Variants in PRKD1 observed in about 807,000 individuals in gnomAD.
PRKD1 encodes the protein protein kinase D1, also known as serine/threonine-protein kinase D1.
Under a neutral mutation model 95.9 loss-of-function variants are expected in PRKD1, and 63 were observed. The observed-to-expected ratio is 0.66, with a 90% confidence interval of 0.54 to 0.81. The LOEUF (loss-of-function observed/expected upper bound fraction) is 0.81, where lower values mean the gene tolerates loss of function less well. Among genes scored for constraint, PRKD1 ranks in the 30% least tolerant of loss-of-function variants. The probability of loss-of-function intolerance (pLI) is 0.00; values close to 1 mark genes in which losing one functional copy is unlikely to be tolerated. For missense variants in PRKD1, 1,048 were observed against 1,165.3 expected (o/e 0.90, Z 1.47); for synonymous variants, 425 against 423.1 (o/e 1.00, Z -0.05).
At chr14:29,856,305 C>T (rs73261532) in intron 1 of PRKD1, among the ~76,000 whole-genome samples, 225 of 152,242 alleles carry the variant, frequency 1.5e-3, no homozygotes, top group African/African-American at 5.2e-3. Flanking sequence ...AGCACCACTG[C>T]CAATTCCCCA....
At chr14:29,770,930 CAAA>C (rs753745571) in intron 1 of PRKD1, among the ~76,000 whole-genome samples, 273 of 47,142 alleles carry the variant, frequency 5.8e-3, no homozygotes, top group African/African-American at 0.016. Context: ...AGACACTGTC[CAAA>C]AAAAAAAAAA....
intron 1 of PRKD1, among the ~76,000 whole-genome samples, chr14:29,920,591 C>A (rs1895066668): frequency 7.2e-6 from 1 of 139,646 alleles, no homozygotes; most frequent in African/African-American, 3.0e-5. Context: ...GTCTAATACA[C>A]ACACACACAC....
chr14:29,854,543 G>C (rs912313698), intron 1 of PRKD1, among the ~76,000 whole-genome samples: 2 of 152,184 alleles, frequency 1.3e-5, no homozygotes, highest in Non-Finnish European at 2.9e-5. Context: ...TAAAAGGGAA[G>C]CAGAGCATAA....
At chr14:29,726,728 A>G (rs1886163786) in intron 1 of PRKD1, among the ~76,000 whole-genome samples, 1 of 152,064 alleles carries the variant, frequency 6.6e-6, no homozygotes, top group Non-Finnish European at 1.5e-5. Flanking sequence ...TATTGCTCTT[A>G]GTGCTGATGA....
At position 29,638,495 on chromosome 14, in the gene PRKD1, T is replaced by C; in HGVS notation, c.979A>G (p.Asn327Asp). 7 of 1,614,082 alleles carry C rather than the reference T, an allele frequency of 4.3e-6. No individual in the cohort carries two copies. In the East Asian group the frequency reaches 1.1e-4, roughly 26 times the overall value. ...PNNCLGEVTI[N>D]GDLLSPGAES... ...CAGCTGATCTTTTACCTACCTCCATTAATGGTCACTTCGCCAAGGCAGTTG... is the reference window on the plus strand; with the variant it reads ...CAGCTGATCTTTTACCTACCTCCATCAATGGTCACTTCGCCAAGGCAGTTG... The change falls in exon 6 of 18, where the codon AAT becomes GAT. Residue 327 changes from asparagine (N) to aspartate (D), a missense_variant. This residue lies in a region of PRKD1 where 739 missense variants were observed against 861.9 expected (regional missense o/e 0.86). Transcript: ENST00000331968.
chr14:29,854,104 C>A (rs185287795), intron 1 of PRKD1, among the ~76,000 whole-genome samples: 60 of 152,230 alleles, frequency 3.9e-4, no homozygotes, highest in Admixed American at 1.4e-3. Context: ...TGGTGTGCTG[C>A]TGAACAGACT....
chr14:29,884,766 C>G (rs980976312), intron 1 of PRKD1, among the ~76,000 whole-genome samples: 1 of 152,132 alleles, frequency 6.6e-6, no homozygotes, highest in Non-Finnish European at 1.5e-5. Context: ...CAGAGTGGAG[C>G]AAGCAGCGAA....
rs147148343 is a variant in PRKD1, at chr14:29,876,980, C to T, written c.264+50269G>A. Among the ~76,000 whole-genome samples, 439 of 152,086 alleles carry T rather than the reference C, an allele frequency of 2.9e-3. 1 individual carries two copies. Among genetic ancestry groups the T allele is most frequent in the African/African-American group, 9.9e-3 (411 of 41,498 alleles). On this transcript the variant is annotated intron_variant, in intron 1 of 17. Coordinates refer to ENST00000331968, the MANE Select transcript of PRKD1 (RefSeq NM_002742.3). ...CAGCCTGGCCAACATGGTGAAACCCCGTGTCTACTAAAAATACAAAAATTA... is the reference window on the plus strand; with the variant it reads ...CAGCCTGGCCAACATGGTGAAACCCTGTGTCTACTAAAAATACAAAAATTA...
intron 1 of PRKD1, among the ~76,000 whole-genome samples, chr14:29,871,846 G>A (rs1893120641): frequency 1.3e-5 from 2 of 152,160 alleles, no homozygotes; most frequent in African/African-American, 2.4e-5. Context: ...ACAATAAAAT[G>A]TTTGGAAATC....
At chr14:29,747,249 T>C (rs1887266659) in intron 1 of PRKD1, among the ~76,000 whole-genome samples, 1 of 152,064 alleles carries the variant, frequency 6.6e-6, no homozygotes, top group South Asian at 2.1e-4. Context: ...AAGGTACCCA[T>C]TAACAGTGCT....
intron 15 of PRKD1, 82 bp downstream of exon 15, chr14:29,598,945 A>G: frequency 8.5e-7 from 1 of 1,176,920 alleles, no homozygotes; most frequent in Non-Finnish European, 1.2e-6. Context: ...TTTTAAGGGA[A>G]AAATGGAAGG....
chr14:29,692,404 C>T (rs748619888), intron 2 of PRKD1, among the ~76,000 whole-genome samples: 22 of 152,090 alleles, frequency 1.4e-4, no homozygotes, highest in Non-Finnish European at 2.8e-4. Context: ...AGTTGTAATA[C>T]TGAAAGCCAG....
chr14:29,875,603 T>C (rs758227756), intron 1 of PRKD1, among the ~76,000 whole-genome samples: 4 of 152,206 alleles, frequency 2.6e-5, no homozygotes, highest in Admixed American at 6.5e-5. Context: ...ATAAATGACA[T>C]GTTAAAGATA....
intron 4 of PRKD1, among the ~76,000 whole-genome samples, chr14:29,646,050 C>G (rs1053602892): frequency 6.6e-6 from 1 of 151,960 alleles, no homozygotes; most frequent in Non-Finnish European, 1.5e-5. Flanking sequence ...TCTGGAATAC[C>G]GTGTCACAAA....
At chr14:29,604,742 A>C (rs947452267) in intron 13 of PRKD1, among the ~76,000 whole-genome samples, 4 of 152,174 alleles carry the variant, frequency 2.6e-5, no homozygotes, top group Admixed American at 1.3e-4. Context: ...GACTATACTT[A>C]CCTGATAGAG....
intron 1 of PRKD1, among the ~76,000 whole-genome samples, chr14:29,774,112 G>C (rs1888630721): frequency 6.6e-6 from 1 of 152,118 alleles, no homozygotes; most frequent in Non-Finnish European, 1.5e-5. Context: ...TAAGCTCATG[G>C]GAGAATCAAC....
intron 2 of PRKD1, among the ~76,000 whole-genome samples, chr14:29,701,519 C>T (rs1884842283): frequency 6.6e-6 from 1 of 152,136 alleles, no homozygotes; most frequent in Non-Finnish European, 1.5e-5. Flanking sequence ...TAAATTAGTG[C>T]TATTTGGTTA....
At chr14:29,594,296 A>C (rs1893225174) in intron 16 of PRKD1, 1 of 326,294 alleles carries the variant, frequency 3.1e-6, no homozygotes, top group African/African-American at 2.2e-5. Context: ...AATACATTAC[A>C]ACTAGCAATA....
At position 29,599,051 on chromosome 14, in the gene PRKD1, T is replaced by C. The variant is rs1216143152; in HGVS notation, c.2142A>G (p.Leu714=). 8 of 1,613,776 alleles carry C rather than the reference T, an allele frequency of 5.0e-6. No homozygotes were observed. Among genetic ancestry groups the C allele is most frequent in the Non-Finnish European group, 6.8e-6 (8 of 1,179,710 alleles). ...HCDLKPENVL[L]ASADPFPQVK... ...CCTGAGGAAAAGGATCAGCTGAGGC[T>C]AGCAACACATTTTCTGGTTTGAGGT... Residue 714 remains leucine, a synonymous_variant, in exon 15 of 18, where the codon CTA becomes CTG. Transcript: ENST00000331968.
Sources: gnomAD v4.1 joint callset for allele counts (sites outside exome capture counted in the v4.1 genomes callset) on GRCh38, gnomAD v4.1.1 for gene constraint, gnomAD v4.1.1 regional missense constraint, MANE v1.5 for transcripts, NCBI Gene and HGNC (gene_info 2026-07-23, HGNC 2026-07-21) for gene names.